The following MUCL1 variants were observed in gnomAD, a reference collection of about 807,000 sequenced individuals.
MUCL1 encodes mucin-like protein 1.
MUCL1 carries 11 observed loss-of-function variants against 9.2 expected under a neutral mutation model. The observed-to-expected ratio is 1.19, with a 90% CI of 0.75 to 1.97. The LOEUF is 1.97. Among genes scored for constraint, MUCL1 ranks in the 30% most tolerant of loss-of-function variants. The probability of loss-of-function intolerance (pLI) is 0.00; values close to 1 mark genes in which losing one functional copy is unlikely to be tolerated. For missense variants in MUCL1, 144 were observed against 110.9 expected (o/e 1.30, Z -1.34); for synonymous variants, 48 against 40.5 (o/e 1.19, Z -0.71).
At chr12:54,857,728 G>T (rs2135947960) in intron 3 of MUCL1, among the ~76,000 whole-genome samples, 1 of 152,236 alleles carries the variant, frequency 6.6e-6, no homozygotes, top group Non-Finnish European at 1.5e-5. Flanking sequence ...TTTCCTTTGA[G>T]CACACGGGCA....
At chr12:54,851,260 C>T (rs11609225), upstream of MUCL1, among the ~76,000 whole-genome samples, 1 of 152,048 alleles carries the variant, frequency 6.6e-6, no homozygotes. Context: ...ATGGTATTGC[C>T]TAGGTTTTCT....
intron 1 of MUCL1, among the ~76,000 whole-genome samples, chr12:54,842,525 T>C (rs1959217354): frequency 6.6e-6 from 1 of 152,146 alleles, no homozygotes; most frequent in African/African-American, 2.4e-5. Flanking sequence ...TAAAATATAC[T>C]CTCAGGCCTT....
At chr12:54,835,057 A>T (rs1191644844), upstream of MUCL1, among the ~76,000 whole-genome samples, 1 of 152,036 alleles carries the variant, frequency 6.6e-6, no homozygotes, top group Admixed American at 6.6e-5. Flanking sequence ...GCTCCATCCA[A>T]GTTGCTAGTT....
At chr12:54,851,760 C>T (rs1272935987), upstream of MUCL1, among the ~76,000 whole-genome samples, 3 of 152,076 alleles carry the variant, frequency 2.0e-5, no homozygotes, top group South Asian at 2.1e-4. Context: ...CTAGAAAACC[C>T]CATCGTCTCA....
At chr12:54,853,892 G>A (rs771877784), upstream of MUCL1, among the ~76,000 whole-genome samples, 2 of 152,188 alleles carry the variant, frequency 1.3e-5, no homozygotes, top group Non-Finnish European at 2.9e-5. Flanking sequence ...ATTAACAAAT[G>A]TTAGTTTATT....
chr12:54,852,679 G>A (rs968598318), upstream of MUCL1, among the ~76,000 whole-genome samples: 5 of 152,070 alleles, frequency 3.3e-5, no homozygotes, highest in South Asian at 2.1e-4. Context: ...GTGGGTCTCT[G>A]CCTCTGTGGA....
chr12:54,839,911 C>T (rs570150792), intron 1 of MUCL1, among the ~76,000 whole-genome samples: 1 of 152,280 alleles, frequency 6.6e-6, no homozygotes, highest in South Asian at 2.1e-4. Flanking sequence ...TGTGCTAAGC[C>T]CTGCACTGCA....
At chr12:54,836,553 TC>T (rs1384927663), upstream of MUCL1, among the ~76,000 whole-genome samples, 1 of 152,192 alleles carries the variant, frequency 6.6e-6, no homozygotes, top group Middle Eastern at 3.2e-3. Flanking sequence ...GTTTCATTGA[TC>T]TTTTTTGTAT....
upstream of MUCL1, among the ~76,000 whole-genome samples, chr12:54,837,445 T>C (rs1180733888): frequency 6.6e-6 from 1 of 152,142 alleles, no homozygotes; most frequent in Non-Finnish European, 1.5e-5. Context: ...GGAATATCGT[T>C]TTCCACCCCT....
chr12:54,848,583 A>G (rs1959290296), intron 1 of MUCL1, among the ~76,000 whole-genome samples: 1 of 152,228 alleles, frequency 6.6e-6, no homozygotes, highest in African/African-American at 2.4e-5. Flanking sequence ...GTATATACTC[A>G]GAATCCTTAA....
At chr12:54,837,453 C>T (rs1230827809), upstream of MUCL1, among the ~76,000 whole-genome samples, 1 of 152,014 alleles carries the variant, frequency 6.6e-6, no homozygotes, top group African/African-American at 2.4e-5. Context: ...GTTTTCCACC[C>T]CTTTACCTCA....
At chr12:54,837,645 C>T (rs372800258), upstream of MUCL1, among the ~76,000 whole-genome samples, 10 of 151,896 alleles carry the variant, frequency 6.6e-5, no homozygotes, top group Non-Finnish European at 8.8e-5. Flanking sequence ...GGTGGGTGCC[C>T]GTAGTCCCAG....
At chr12:54,832,601 T>A (rs1287478836) in intron 1 of MUCL1, among the ~76,000 whole-genome samples, 1 of 152,088 alleles carries the variant, frequency 6.6e-6, no homozygotes, top group Non-Finnish European at 1.5e-5. Context: ...TACTCGTCTA[T>A]TTAAACCTTT....
At chr12:54,833,769 A>G (rs1959188607) in intron 1 of MUCL1, among the ~76,000 whole-genome samples, 1 of 149,772 alleles carries the variant, frequency 6.7e-6, no homozygotes, top group Non-Finnish European at 1.5e-5. Flanking sequence ...GGAATTGAAC[A>G]ATGAGAACAC....
chr12:54,855,987 T>A (rs1434900982), intron 2 of MUCL1, among the ~76,000 whole-genome samples: 2 of 152,096 alleles, frequency 1.3e-5, no homozygotes, highest in East Asian at 3.9e-4. Flanking sequence ...CTGAGGTGAG[T>A]CTAACTCACA....
chr12:54,837,342 TG>T (rs1468227684), upstream of MUCL1, among the ~76,000 whole-genome samples: 1 of 152,222 alleles, frequency 6.6e-6, no homozygotes, highest in Non-Finnish European at 1.5e-5. Context: ...TGACTTTTTT[TG>T]GGTTTTTATG....
At chr12:54,850,854 A>G (rs1226733918), upstream of MUCL1, among the ~76,000 whole-genome samples, 2 of 152,174 alleles carry the variant, frequency 1.3e-5, no homozygotes, top group Non-Finnish European at 2.9e-5. Context: ...TTGCCATTCT[A>G]ACTGGTGTGA....
chr12:54,836,084 C>A (rs1369080648), upstream of MUCL1, among the ~76,000 whole-genome samples: 1 of 152,084 alleles, frequency 6.6e-6, no homozygotes, highest in African/African-American at 2.4e-5. Flanking sequence ...GGTATCAGGG[C>A]ATACTGGTTT....
At chr12:54,845,040 G>A (rs1336160088) in intron 1 of MUCL1, among the ~76,000 whole-genome samples, 3 of 152,190 alleles carry the variant, frequency 2.0e-5, no homozygotes, top group Admixed American at 2.0e-4. Context: ...AAATCATTTG[G>A]AGGATCCTTC....
Sources: allele counts gnomAD v4.1 joint callset (sites outside exome capture counted in the v4.1 genomes callset), GRCh38; gene constraint gnomAD v4.1.1; transcripts MANE v1.5; gene names NCBI Gene and HGNC (gene_info 2026-07-23, HGNC 2026-07-21).